The following UGT2B11 variants were observed in gnomAD, a reference collection of about 807,000 sequenced individuals.
UGT2B11 encodes the protein UDP-glucuronosyltransferase 2B11.
Under a neutral mutation model 51.7 loss-of-function variants are expected in UGT2B11, and 49 were observed. The observed-to-expected ratio is 0.95, with a 90% CI of 0.75 to 1.20. The LOEUF (loss-of-function observed/expected upper bound fraction) is 1.20, where lower values mean the gene tolerates loss of function less well. Among genes scored for constraint, UGT2B11 ranks in the 50% most tolerant of loss-of-function variants. The probability of loss-of-function intolerance (pLI) is 0.00; values close to 1 mark genes in which losing one functional copy is unlikely to be tolerated. For synonymous variants in UGT2B11, 273 were observed against 209.0 expected, an observed-to-expected ratio of 1.31 and a Z score of -2.64; for missense variants, 810 against 622.1, an observed-to-expected ratio of 1.30 and a Z score of -3.21.
chr4:69,212,743 A>G (rs1560540558), intron 1 of UGT2B11, 22 bp from the exon 2 acceptor site: 1 of 1,591,182 alleles, frequency 6.3e-7, no homozygotes, highest in South Asian at 1.2e-5. Flanking sequence ...AAAGAAAAGA[A>G]AAAGTGGATG....
In UGT2B11 at chr4:69,208,379, G is replaced by T. The variant is rs755449934; in HGVS notation, c.974C>A (p.Ala325Glu). 37 of 1,610,918 alleles carry T rather than the reference G, an allele frequency of 2.3e-5. No homozygotes were observed. Among genetic ancestry groups the T allele is most frequent in the Non-Finnish European group, 3.1e-5 (37 of 1,178,128 alleles). ...TTGTGGGATCTTGGCAAGGGCTGTT[G>T]CAATTACATTGGCCCTTTCTGCTGT... ...NMTAERANVI[A>E]TALAKIPQKV... is the part of the protein sequence containing the mutation. Residue 325 changes from alanine (A) to glutamate (E), a missense_variant, in exon 3 of 6, where the codon GCA becomes GAA. By Grantham distance (107) the Ala-to-Glu change is moderately radical. Transcript: ENST00000446444.
chr4:69,221,476 C>T, the UGT2B11 span, among the ~76,000 whole-genome samples: 1 of 152,162 alleles, frequency 6.6e-6, no homozygotes, highest in Admixed American at 6.5e-5. Context: ...GCCCAGACCT[C>T]GAAGTTGATT....
At chr4:69,221,512 T>C in the UGT2B11 span, among the ~76,000 whole-genome samples, 1 of 152,216 alleles carries the variant, frequency 6.6e-6, no homozygotes, top group East Asian at 1.9e-4. Context: ...GGACAACAAA[T>C]GGGTAATTTG....
chr4:69,214,494 A>T lies in UGT2B11; in HGVS notation c.229T>A (p.Tyr77Asn). ...TCAGTTTTAGTTAAAGATGTAGGAT[A>T]AACTTCAAATTTAAGAGTGGATGCA... ...NDASTLKFEVYPTSLTKTEFE... is the reference protein window; with the variant it reads ...NDASTLKFEVNPTSLTKTEFE... Residue 77 changes from tyrosine to asparagine, a missense_variant, in exon 1 of 6, where the codon TAT becomes AAT. Physicochemically the swap from Tyr to Asn is moderately radical, Grantham distance 143. Coordinates refer to ENST00000446444, the MANE Select transcript of UGT2B11 (RefSeq NM_001073.3). 2 of 1,613,200 alleles carry T rather than the reference A, an allele frequency of 1.2e-6. No homozygotes were observed. Among genetic ancestry groups the T allele is most frequent in the Non-Finnish European group, 1.7e-6 (2 of 1,179,478 alleles).
At chr4:69,213,926 T>G in intron 1 of UGT2B11, 76 bp downstream of exon 1, 1 of 1,481,274 alleles carries the variant, frequency 6.8e-7, no homozygotes, top group East Asian at 2.3e-5. Context: ...TCCCTGACTT[T>G]ATGGCTTTAT....
At chr4:69,215,836 A>C (rs193133204), upstream of UGT2B11, 272 of 151,638 alleles carry the variant, frequency 1.8e-3, 3 homozygotes, top group African/African-American at 6.4e-3. Flanking sequence ...AACACACTCC[A>C]ACAGACCCAA....
upstream of UGT2B11, chr4:69,216,896 A>T (rs1722288092): frequency 6.6e-6 from 1 of 152,122 alleles, no homozygotes. Flanking sequence ...GTCAACAATG[A>T]GGCAGGGGTG....
At chr4:69,219,310 ATTTG>A (rs1722353938), upstream of UGT2B11, among the ~76,000 whole-genome samples, 1 of 152,058 alleles carries the variant, frequency 6.6e-6, no homozygotes, top group South Asian at 2.1e-4. Flanking sequence ...TGTTTTATTA[ATTTG>A]TTTAAGTTCC....
chr4:69,214,804 T>G (rs1341152861), upstream of UGT2B11: 12 of 1,530,672 alleles, frequency 7.8e-6, no homozygotes, highest in Admixed American at 1.1e-4. Flanking sequence ...CAAGTTAAAA[T>G]ATAACTCCTC....
intron 5 of UGT2B11, chr4:69,204,208 TG>T: frequency 4.1e-6 from 2 of 484,682 alleles, no homozygotes; most frequent in South Asian, 6.4e-5. Context: ...AAATTATTTT[TG>T]TTTAGAAAAT....
chr4:69,217,890 C>T (rs547275763), upstream of UGT2B11, among the ~76,000 whole-genome samples: 38 of 152,118 alleles, frequency 2.5e-4, no homozygotes, highest in Admixed American at 1.2e-3. Context: ...GATGGCAGCC[C>T]GTCACCATGT....
In UGT2B11 at chr4:69,214,039, A is replaced by T. The variant is rs747107087; in HGVS notation, c.684T>A (p.Asp228Glu). ...TGTAAAACTGATCCCACTTCTTCAT[A>T]TCAGACATTTGGAACCAAAAGTCAA... ...LYFDFWFQMS[D>E]MKKWDQFYSE... The change falls in exon 1 of 6, where the codon GAT (aspartate) becomes GAA (glutamate). Residue 228 changes from aspartate to glutamate, a missense_variant. By Grantham distance (45) the Asp-to-Glu change is conservative. Coordinates refer to ENST00000446444, the MANE Select transcript of UGT2B11 (RefSeq NM_001073.3). The T allele has an allele frequency of 6.2e-6, 10 of 1,600,876 alleles. No homozygotes were observed. In the East Asian group the frequency reaches 2.2e-4, roughly 36 times the overall value.
chr4:69,210,691 A>G (rs561164416), intron 2 of UGT2B11, among the ~76,000 whole-genome samples: 1 of 151,574 alleles, frequency 6.6e-6, no homozygotes, highest in Non-Finnish European at 1.5e-5. Context: ...AGAGTGACAT[A>G]GATTTTTCAT....
Position 69,214,082 on chromosome 4 carries a change from A to G in UGT2B11, c.641T>C (p.Met214Thr). ...AAAGTCAAAATAAAGCACATAGATC[A>G]TATTTTTTACCCTCTCCATGAAAGT... ...QMTFMERVKN[M>T]IYVLYFDFWF... is the part of the protein sequence containing the mutation. Residue 214 changes from methionine (M) to threonine (T), a missense_variant, in exon 1 of 6, where the codon ATG becomes ACG. Physicochemically the swap from Met to Thr is moderately conservative, Grantham distance 81. Coordinates refer to ENST00000446444, the MANE Select transcript of UGT2B11 (RefSeq NM_001073.3). 12 of 1,611,264 alleles carry G rather than the reference A, an allele frequency of 7.4e-6. No homozygotes were observed. Among genetic ancestry groups the G allele is most frequent in the Non-Finnish European group, 1.0e-5 (12 of 1,178,626 alleles).
At chr4:69,213,620 A>T (rs1577966702) in intron 1 of UGT2B11, among the ~76,000 whole-genome samples, 1 of 151,870 alleles carries the variant, frequency 6.6e-6, no homozygotes, top group African/African-American at 2.4e-5. Flanking sequence ...AGTTACATAG[A>T]TAGTTGTAGA....
the UGT2B11 span, among the ~76,000 whole-genome samples, chr4:69,220,855 G>C: frequency 1.3e-5 from 2 of 152,050 alleles, no homozygotes; most frequent in African/African-American, 4.8e-5. Context: ...AGGGCTCTCC[G>C]ATTTTGAAGG....
chr4:69,208,236 G>A (rs1182109525), intron 3 of UGT2B11, 115 bp downstream of exon 3: 18 of 1,542,284 alleles, frequency 1.2e-5, no homozygotes, highest in Admixed American at 2.1e-5. Flanking sequence ...GCATATTTAA[G>A]GATGTATTTG....
rs146219254 is a variant in UGT2B11, at chr4:69,214,206, G to T, written c.517C>A (p.Arg173Ser). The change falls in exon 1 of 6, where the codon CGC (arginine) becomes AGC (serine). Residue 173 changes from arginine to serine, a missense_variant. By Grantham distance (110) the Arg-to-Ser change is moderately radical. Transcript: ENST00000446444. The stretch of plus-strand genomic sequence containing the variant: ...TCAATTGTGTAGCCAGGAGTAAAGC[G>T]GAGACTGTACACAAACCGTATGTTA... ...LLNIRFVYSL[R>S]FTPGYTIERH... is the part of the protein sequence containing the mutation. The T allele has an allele frequency of 6.8e-6, 11 of 1,613,032 alleles. No individual in the cohort carries two copies. The highest frequency in any genetic ancestry group is 7.6e-6 in the Non-Finnish European group (9 of 1,179,412).
At chr4:69,211,207 A>G (rs1189605255) in intron 2 of UGT2B11, 1 of 151,556 alleles carries the variant, frequency 6.6e-6, no homozygotes. Context: ...GATTTTAAAT[A>G]CTTTGTTAAA....
Sources: gnomAD v4.1 joint callset for allele counts (sites outside exome capture counted in the v4.1 genomes callset) on GRCh38, gnomAD v4.1.1 for gene constraint, MANE v1.5 for transcripts, NCBI Gene and HGNC (gene_info 2026-07-23, HGNC 2026-07-21) for gene names.